Variants in NEK11 observed in about 807,000 individuals in gnomAD.
The protein encoded by NEK11 is serine/threonine-protein kinase Nek11.
In NEK11, 72 loss-of-function variants were observed where a neutral mutation model predicts 80.7. That is an observed-to-expected ratio of 0.89 (90% CI 0.74 to 1.08). The LOEUF is 1.08. NEK11 is among the 50% of genes least tolerant of loss of function. The pLI, the probability that NEK11 is intolerant of heterozygous loss-of-function variation, is 0.00. For missense variants in NEK11, 764 were observed against 763.6 expected (o/e 1.00, Z -0.01); for synonymous variants, 251 against 260.7 (o/e 0.96, Z 0.36).
chr3:131,228,431 G>T (rs571929417), intron 14 of NEK11, 97 bp from the exon 15 acceptor site: 9 of 1,115,582 alleles, frequency 8.1e-6, no homozygotes, highest in Non-Finnish European at 1.1e-5. Flanking sequence ...CTTTGTCAAC[G>T]CAAGCAAAAT....
chr3:131,302,208 G>C (rs576077191), intron 17 of NEK11, among the ~76,000 whole-genome samples: 30 of 151,836 alleles, frequency 2.0e-4, no homozygotes, highest in Non-Finnish European at 4.1e-4. Context: ...GGTAATGTCC[G>C]ATTTGTTATT....
At chr3:131,273,113 C>A (rs577105478) in intron 16 of NEK11, among the ~76,000 whole-genome samples, 1 of 152,292 alleles carries the variant, frequency 6.6e-6, no homozygotes, top group East Asian at 1.9e-4. Flanking sequence ...AGTCAAACAT[C>A]CACACCTGCT....
intron 16 of NEK11, among the ~76,000 whole-genome samples, chr3:131,255,050 GAGAC>G (rs59934459): frequency 0.19 from 24,932 of 132,044 alleles, 3,263 homozygotes; most frequent in Admixed American, 0.29. Flanking sequence ...GAGAGAGAGA[GAGAC>G]AGACAGACAG....
intron 7 of NEK11, among the ~76,000 whole-genome samples, chr3:131,141,253 A>C (rs548930939): frequency 3.9e-5 from 6 of 152,328 alleles, no homozygotes; most frequent in Non-Finnish European, 8.8e-5. Context: ...GTTATAGTGC[A>C]ATACATATTC....
Position 131,069,335 on chromosome 3 carries a change from C to T in NEK11, c.171-11088C>T, listed in dbSNP as rs564347087. ...CATCTGATTGTCTCACTGAAATCTG[C>T]AATTCTTGTATTTTTCTGTAATATT... On this transcript the variant is annotated intron_variant, in intron 3 of 17. Transcript: ENST00000383366. 2.0e-5 allele frequency among the ~76,000 whole-genome samples: 3 copies of T among 152,214 alleles called. No individual in the cohort carries two copies. The South Asian group carries it at 6.2e-4, about 32-fold the overall frequency.
At chr3:131,062,561 T>C (rs2071080502) in intron 3 of NEK11, among the ~76,000 whole-genome samples, 1 of 152,222 alleles carries the variant, frequency 6.6e-6, no homozygotes, top group South Asian at 2.1e-4. Context: ...CTTAAAAAGT[T>C]ATCTTGTGCT....
intron 3 of NEK11, among the ~76,000 whole-genome samples, chr3:131,054,003 C>G (rs376027533): frequency 2.0e-5 from 3 of 152,220 alleles, no homozygotes; most frequent in African/African-American, 7.2e-5. Context: ...TCTTTCCAAG[C>G]TGCCAGTGTG....
chr3:131,082,829 C>T (rs2075464495), intron 4 of NEK11, among the ~76,000 whole-genome samples: 1 of 152,204 alleles, frequency 6.6e-6, no homozygotes, highest in South Asian at 2.1e-4. Flanking sequence ...TTTCTACCTA[C>T]ATTTTTTAAT....
At chr3:131,115,923 T>A (rs924958991) in intron 5 of NEK11, among the ~76,000 whole-genome samples, 5 of 100,694 alleles carry the variant, frequency 5.0e-5, no homozygotes, top group Non-Finnish European at 8.4e-5. Context: ...TCTTTCTTTC[T>A]TTCTTTCTTT....
chr3:131,219,776 T>TA (rs200664496), intron 14 of NEK11, among the ~76,000 whole-genome samples: 1,853 of 152,324 alleles, frequency 0.012, 39 homozygotes, highest in African/African-American at 0.043. Flanking sequence ...ATTACAGCTC[T>TA]GGCTGACTTA....
At chr3:131,048,981 G>A (rs1187535909) in intron 3 of NEK11, among the ~76,000 whole-genome samples, 1 of 152,184 alleles carries the variant, frequency 6.6e-6, no homozygotes. Context: ...GAGGATAGCT[G>A]CCTGCTGACT....
intron 3 of NEK11, among the ~76,000 whole-genome samples, chr3:131,075,023 AG>A (rs1291381920): frequency 6.6e-6 from 1 of 152,198 alleles, no homozygotes; most frequent in African/African-American, 2.4e-5. Context: ...CCTGTCTCAA[AG>A]TCTTTGGCAG....
chr3:131,125,507 T>C (rs544292373), intron 5 of NEK11, among the ~76,000 whole-genome samples: 1 of 152,210 alleles, frequency 6.6e-6, no homozygotes, highest in Non-Finnish European at 1.5e-5. Flanking sequence ...TTGGTAATTA[T>C]TTACAATTAT....
intron 14 of NEK11, among the ~76,000 whole-genome samples, chr3:131,193,760 G>A (rs776809683): frequency 1.3e-5 from 2 of 152,134 alleles, no homozygotes; most frequent in South Asian, 4.2e-4. Context: ...AATTGTTGGG[G>A]GGCCTCCTAT....
At chr3:131,262,908 G>T (rs1164619180) in intron 16 of NEK11, among the ~76,000 whole-genome samples, 2 of 151,598 alleles carry the variant, frequency 1.3e-5, no homozygotes, top group African/African-American at 2.4e-5. Flanking sequence ...GTGAGAACAT[G>T]CAATGTTTGG....
intron 5 of NEK11, among the ~76,000 whole-genome samples, chr3:131,114,402 G>T (rs1250211714): frequency 1.3e-5 from 2 of 152,178 alleles, no homozygotes; most frequent in African/African-American, 4.8e-5. Flanking sequence ...CAGTGTCGTG[G>T]CTTACAGCAG....
At chr3:131,182,888 G>A (rs1471133880) in intron 14 of NEK11, among the ~76,000 whole-genome samples, 2 of 152,008 alleles carry the variant, frequency 1.3e-5, no homozygotes, top group African/African-American at 4.8e-5. Context: ...CTGTTTTCTT[G>A]GCTTCAAATA....
intron 7 of NEK11, among the ~76,000 whole-genome samples, chr3:131,134,622 A>G (rs2085185052): frequency 6.6e-6 from 1 of 151,660 alleles, no homozygotes; most frequent in South Asian, 2.1e-4. Flanking sequence ...AATGGTCTCA[A>G]TCTCCTGACC....
intron 17 of NEK11, among the ~76,000 whole-genome samples, chr3:131,302,767 G>C (rs569209295): frequency 3.3e-5 from 5 of 152,226 alleles, no homozygotes; most frequent in Admixed American, 2.6e-4. Context: ...TGTTGTGGCT[G>C]ATTGTATGTT....
Sources: gnomAD v4.1 joint callset for allele counts (sites outside exome capture counted in the v4.1 genomes callset) on GRCh38, gnomAD v4.1.1 for gene constraint, MANE v1.5 for transcripts, NCBI Gene and HGNC (gene_info 2026-07-23, HGNC 2026-07-21) for gene names.